The following CNTNAP2 variants were observed in gnomAD, a reference collection of about 807,000 sequenced individuals.
The protein encoded by CNTNAP2 is contactin-associated protein-like 2.
CNTNAP2 carries 98 observed loss-of-function variants against 155.2 expected under a neutral mutation model. The ratio of observed to expected loss-of-function variants is 0.63; its 90% CI spans 0.54 to 0.75. CNTNAP2 has a LOEUF of 0.75. Ranked by LOEUF, CNTNAP2 falls within the 30% of genes least tolerant of loss-of-function variation. The probability of loss-of-function intolerance (pLI) is 0.00; values close to 1 mark genes in which losing one functional copy is unlikely to be tolerated. For missense variants in CNTNAP2, 1,727 were observed against 1,688.1 expected (o/e 1.02, Z -0.40); for synonymous variants, 651 against 631.2 (o/e 1.03, Z -0.47).
chr7:146,623,541 G>A (rs1799369313), intron 1 of CNTNAP2, among the ~76,000 whole-genome samples: 1 of 152,018 alleles, frequency 6.6e-6, no homozygotes, highest in Admixed American at 6.6e-5. Flanking sequence ...TCACAGATAG[G>A]CTTCTTTCAC....
At chr7:147,548,279 C>G (rs1244001801) in intron 11 of CNTNAP2, among the ~76,000 whole-genome samples, 1 of 152,168 alleles carries the variant, frequency 6.6e-6, no homozygotes, top group Non-Finnish European at 1.5e-5. Context: ...TGTTTTCTGA[C>G]TTTTTAATAA....
chr7:146,479,557 A>G (rs1293752658), intron 1 of CNTNAP2, among the ~76,000 whole-genome samples: 1 of 152,136 alleles, frequency 6.6e-6, no homozygotes, highest in Non-Finnish European at 1.5e-5. Flanking sequence ...AAGCATAAAA[A>G]GAAAAAAGAA....
chr7:147,864,194 C>T (rs1006220145), intron 13 of CNTNAP2, among the ~76,000 whole-genome samples: 1 of 152,084 alleles, frequency 6.6e-6, no homozygotes, highest in African/African-American at 2.4e-5. Flanking sequence ...AATCCTTTCC[C>T]CATTTCTTGT....
chr7:146,968,179 A>T (rs1348134407), intron 3 of CNTNAP2, among the ~76,000 whole-genome samples: 1 of 151,600 alleles, frequency 6.6e-6, no homozygotes, highest in Non-Finnish European at 1.5e-5. Flanking sequence ...CATGGTGGAT[A>T]AGCTTTTTGA....
rs1312268511 is a variant in CNTNAP2 at position 146,645,517 on chromosome 7, T to A, written c.98-128754T>A. ...CTACGAAAAATGAGATCAGGGAACA[T>A]CCCTGTGGGTATGAAACAACAAAAA... On this transcript the variant is annotated intron_variant, in intron 1 of 23. Coordinates refer to ENST00000361727, the MANE Select transcript of CNTNAP2 (RefSeq NM_014141.6). Among the ~76,000 whole-genome samples the A allele has an allele frequency of 3.9e-5, 6 of 152,240 alleles. No individual in the cohort carries two copies. The East Asian group carries it at 7.7e-4, about 20-fold the overall frequency.
At chr7:147,802,788 GGGGAGGGGGAGA>G (rs1440276222) in intron 13 of CNTNAP2, among the ~76,000 whole-genome samples, 10 of 122,282 alleles carry the variant, frequency 8.2e-5, no homozygotes, top group African/African-American at 3.2e-4. Flanking sequence ...GGAGAGGGAG[GGGGAGGGGGAGA>G]GGGAGAGGGA....
At chr7:146,500,595 A>G (rs957563086) in intron 1 of CNTNAP2, among the ~76,000 whole-genome samples, 42 of 152,170 alleles carry the variant, frequency 2.8e-4, no homozygotes, top group African/African-American at 8.2e-4. Context: ...GTAAGTTTCA[A>G]GCTTTAAGAC....
In CNTNAP2 at chr7:147,043,930, T is replaced by C; in HGVS notation, c.426T>C (p.Ser142=). Residue 142 remains serine (S), a synonymous_variant, in exon 4 of 24, where the codon TCT becomes TCC. Coordinates refer to ENST00000361727, the MANE Select transcript of CNTNAP2 (RefSeq NM_014141.6). ...NIWAFPGNIN[S]DGVVRHELQH... is the part of the protein sequence containing the mutation. ...AGGCATTTCCCGGAAACATTAACTC[T>C]GACGGTGTGGTCCGGCACGAATTAC... The C allele has an allele frequency of 6.2e-7, 1 of 1,614,176 alleles. No homozygotes were observed. The highest frequency in any genetic ancestry group is 8.5e-7 in the Non-Finnish European group (1 of 1,180,002).
chr7:147,812,018 A>C (rs1415266387), intron 13 of CNTNAP2, among the ~76,000 whole-genome samples: 1 of 152,218 alleles, frequency 6.6e-6, no homozygotes, highest in African/African-American at 2.4e-5. Flanking sequence ...TAGCAATGTT[A>C]GGGGCGAAGG....
intron 1 of CNTNAP2, among the ~76,000 whole-genome samples, chr7:146,223,867 A>T (rs890410681): frequency 8.5e-5 from 13 of 152,252 alleles, no homozygotes; most frequent in African/African-American, 3.1e-4. Context: ...TATAATAAGT[A>T]CATATAAGCC....
At chr7:147,815,488 C>G (rs1798250146) in intron 13 of CNTNAP2, among the ~76,000 whole-genome samples, 1 of 151,982 alleles carries the variant, frequency 6.6e-6, no homozygotes, top group African/African-American at 2.4e-5. Flanking sequence ...AACATGGAAT[C>G]CTTCTCAAGC....
chr7:146,205,814 G>A (rs963628342), intron 1 of CNTNAP2, among the ~76,000 whole-genome samples: 1 of 151,792 alleles, frequency 6.6e-6, no homozygotes, highest in African/African-American at 2.4e-5. Context: ...ATATGTTTTA[G>A]GAATATGTTT....
intron 1 of CNTNAP2, among the ~76,000 whole-genome samples, chr7:146,273,770 C>A (rs557940156): frequency 1.3e-5 from 2 of 151,996 alleles, no homozygotes; most frequent in Non-Finnish European, 2.9e-5. Context: ...TAAGGACGAC[C>A]CTTTTACTTG....
chr7:146,652,189 T>C (rs1799926221), intron 1 of CNTNAP2, among the ~76,000 whole-genome samples: 1 of 151,492 alleles, frequency 6.6e-6, no homozygotes, highest in Admixed American at 6.6e-5. Context: ...TTATTAGTGT[T>C]AATTACTTGT....
At chr7:146,393,834 A>G (rs908560907) in intron 1 of CNTNAP2, among the ~76,000 whole-genome samples, 1 of 152,090 alleles carries the variant, frequency 6.6e-6, no homozygotes, top group Non-Finnish European at 1.5e-5. Flanking sequence ...TCATTTAAAG[A>G]TAGGGTAATT....
chr7:146,674,570 ACT>A (rs1800364314), intron 1 of CNTNAP2, among the ~76,000 whole-genome samples: 1 of 152,154 alleles, frequency 6.6e-6, no homozygotes, highest in African/African-American at 2.4e-5. Context: ...TGTGAATTAT[ACT>A]GACAAAAGAG....
intron 15 of CNTNAP2, among the ~76,000 whole-genome samples, chr7:147,994,574 A>G (rs899781508): frequency 2.0e-5 from 3 of 152,290 alleles, no homozygotes; most frequent in South Asian, 4.1e-4. Flanking sequence ...AATGGCTGTC[A>G]GAAGATCTGA....
intron 22 of CNTNAP2, among the ~76,000 whole-genome samples, chr7:148,398,868 G>A (rs1478474294): frequency 1.3e-5 from 2 of 152,166 alleles, no homozygotes; most frequent in African/African-American, 4.8e-5. Flanking sequence ...AAGAGGAAAG[G>A]TGAAATACAT....
chr7:148,008,362 A>C (rs1331095504), intron 15 of CNTNAP2, among the ~76,000 whole-genome samples: 1 of 152,110 alleles, frequency 6.6e-6, no homozygotes, highest in Non-Finnish European at 1.5e-5. Flanking sequence ...ACAGAGCAAG[A>C]CTCCATCTCA....
Sources: gnomAD v4.1 joint callset for allele counts (sites outside exome capture counted in the v4.1 genomes callset) on GRCh38, gnomAD v4.1.1 for gene constraint, MANE v1.5 for transcripts, NCBI Gene and HGNC (gene_info 2026-07-23, HGNC 2026-07-21) for gene names.